The following MTMR7 variants were observed in gnomAD, a reference collection of about 807,000 sequenced individuals.
The protein encoded by MTMR7 is phosphatidylinositol-3-phosphate phosphatase MTMR7.
In MTMR7, 76 loss-of-function variants were observed where a neutral mutation model predicts 81.2. The ratio of observed to expected loss-of-function variants is 0.94; its 90% CI spans 0.78 to 1.13. MTMR7 has a LOEUF of 1.13. Among genes scored for constraint, MTMR7 ranks in the 50% most tolerant of loss-of-function variants. The probability of loss-of-function intolerance (pLI) is 0.00; values close to 1 mark genes in which losing one functional copy is unlikely to be tolerated. For missense variants in MTMR7, 1,044 were observed against 820.0 expected, an observed-to-expected ratio of 1.27 and a Z score of -3.34; for synonymous variants, 372 against 289.8, an observed-to-expected ratio of 1.28 and a Z score of -2.88.
At chr8:17,317,121 T>A (rs1204166692) in intron 7 of MTMR7, among the ~76,000 whole-genome samples, 11 of 152,232 alleles carry the variant, frequency 7.2e-5, no homozygotes, top group Admixed American at 7.2e-4. Context: ...AGAATTTGCT[T>A]GCTTATATGT....
chr8:17,327,617 A>G (rs1423755059), intron 7 of MTMR7, among the ~76,000 whole-genome samples: 1 of 141,896 alleles, frequency 7.0e-6, no homozygotes, highest in African/African-American at 3.0e-5. Context: ...ATTTTGGATT[A>G]GTCCCTAAGA....
At chr8:17,369,066 G>C (rs1010544171) in intron 3 of MTMR7, among the ~76,000 whole-genome samples, 6 of 152,170 alleles carry the variant, frequency 3.9e-5, no homozygotes, top group African/African-American at 1.4e-4. Context: ...CCCTTTCCCA[G>C]TTCGCTGGGC....
In MTMR7 at chr8:17,361,112, C is replaced by T; in HGVS notation, c.468+5G>A. On this transcript the variant is annotated splice_donor_5th_base_variant and intron_variant, in intron 4 of 13. Coordinates refer to ENST00000180173, the MANE Select transcript of MTMR7 (RefSeq NM_004686.5). Reference sequence around the variant, plus strand: ...GGCTTCAGTGTTTGGGTTTCACGCACTCACTCTGTAGTCTCTATTCACATC... The same window carrying T: ...GGCTTCAGTGTTTGGGTTTCACGCATTCACTCTGTAGTCTCTATTCACATC... The T allele has an allele frequency of 1.9e-6, 3 of 1,614,102 alleles. No individual in the cohort carries two copies. The highest frequency in any genetic ancestry group is 2.5e-6 in the Non-Finnish European group (3 of 1,179,986).
chr8:17,345,425 A>G (rs1488162498), intron 5 of MTMR7, among the ~76,000 whole-genome samples: 1 of 152,202 alleles, frequency 6.6e-6, no homozygotes, highest in Non-Finnish European at 1.5e-5. Context: ...TGCCTCTCAC[A>G]GCCCCTGGCT....
intron 5 of MTMR7, among the ~76,000 whole-genome samples, chr8:17,344,628 C>T (rs1291665229): frequency 1.3e-5 from 2 of 152,040 alleles, no homozygotes; most frequent in Admixed American, 1.3e-4. Context: ...AAAGATGCAG[C>T]AGAAAGACCT....
At chr8:17,371,806 G>GAATGATTAA (rs1326994298) in intron 2 of MTMR7, among the ~76,000 whole-genome samples, 1 of 150,664 alleles carries the variant, frequency 6.6e-6, no homozygotes, top group East Asian at 1.9e-4. Flanking sequence ...ACATCATACG[G>GAATGATTAA]AATGATTAAA....
rs1359122778 is a variant in MTMR7, at chr8:17,305,802, A to T, written c.1307T>A (p.Phe436Tyr). 5 of 1,613,628 alleles carry T rather than the reference A, an allele frequency of 3.1e-6. No individual in the cohort carries two copies. Among genetic ancestry groups the T allele is most frequent in the Non-Finnish European group, 4.2e-6 (5 of 1,179,666 alleles). The change falls in exon 11 of 14, where the codon TTT (phenylalanine) becomes TAT (tyrosine). Residue 436 changes from phenylalanine (F) to tyrosine (Y), a missense_variant. Phe to Tyr is a conservative substitution (Grantham distance 22). Coordinates refer to ENST00000180173, the MANE Select transcript of MTMR7 (RefSeq NM_004686.5). ...TTGGCTGTTACATAGGAAGTTTCCAAACTGGCAGGAATAAATGTGATGTTG... is the reference window on the plus strand; with the variant it reads ...TTGGCTGTTACATAGGAAGTTTCCATACTGGCAGGAATAAATGTGATGTTG... The part of the protein sequence containing the change: ...HIQHHIYSCQ[F>Y]GNFLCNSQKE...
intron 5 of MTMR7, among the ~76,000 whole-genome samples, chr8:17,343,952 T>C (rs758639506): frequency 3.3e-5 from 5 of 152,214 alleles, no homozygotes; most frequent in Admixed American, 6.5e-5. Flanking sequence ...TTAAAAACTC[T>C]TCAGTTGTAA....
At chr8:17,366,872 C>T (rs1452223883) in intron 3 of MTMR7, among the ~76,000 whole-genome samples, 4 of 77,100 alleles carry the variant, frequency 5.2e-5, no homozygotes, top group Non-Finnish European at 6.9e-5. Context: ...GATGACAGAG[C>T]GAGACTCCAT....
chr8:17,332,077 C>G (rs551428964), intron 6 of MTMR7, among the ~76,000 whole-genome samples: 195 of 152,276 alleles, frequency 1.3e-3, no homozygotes, highest in African/African-American at 4.3e-3. Context: ...GCATCGGTTT[C>G]TAGAATGTGT....
intron 1 of MTMR7, among the ~76,000 whole-genome samples, chr8:17,396,044 G>A (rs1243098478): frequency 1.3e-5 from 2 of 151,808 alleles, no homozygotes; most frequent in African/African-American, 2.4e-5. Context: ...TTATGTACAT[G>A]ATATAGAATA....
chr8:17,393,829 T>G (rs899418852), intron 1 of MTMR7, among the ~76,000 whole-genome samples: 6 of 152,112 alleles, frequency 3.9e-5, no homozygotes, highest in Admixed American at 6.5e-5. Flanking sequence ...CCTGCACATT[T>G]TGCACATGTA....
At position 17,408,166 on chromosome 8, in the gene MTMR7, G is replaced by A. The variant is rs1447139050; in HGVS notation, c.24+5103C>T. Reference sequence around the variant, plus strand: ...AGCACTTTGGGAGGCCGAGGCGGGCGGACCACGAGGTCAGGAGATCGAGAC... The same window carrying A: ...AGCACTTTGGGAGGCCGAGGCGGGCAGACCACGAGGTCAGGAGATCGAGAC... On this transcript the variant is annotated intron_variant, in intron 1 of 13. Transcript: ENST00000180173. Among the ~76,000 whole-genome samples, 6 of 121,270 alleles carry A rather than the reference G, an allele frequency of 4.9e-5. 1 individual carries two copies. The highest frequency in any genetic ancestry group is 1.5e-4 in the African/African-American group (6 of 40,010). 79.6% of individuals were successfully genotyped at this position (121,270 alleles called of 152,430 possible). A position where few individuals can be genotyped will look rare whatever the true frequency, so the allele number is the denominator to read the frequency against.
At chr8:17,379,135 A>C in intron 1 of MTMR7, among the ~76,000 whole-genome samples, 1 of 152,176 alleles carries the variant, frequency 6.6e-6, no homozygotes, top group East Asian at 1.9e-4. Context: ...AATGCTGCTG[A>C]GATGGAGTAA....
At chr8:17,309,999 A>G (rs1052498518) in intron 9 of MTMR7, among the ~76,000 whole-genome samples, 18 of 152,188 alleles carry the variant, frequency 1.2e-4, no homozygotes, top group Middle Eastern at 3.4e-3. Flanking sequence ...ATATTGTTTT[A>G]TATTTTAAAA....
intron 6 of MTMR7, among the ~76,000 whole-genome samples, chr8:17,333,704 A>G (rs1250141427): frequency 6.6e-6 from 1 of 152,076 alleles, no homozygotes; most frequent in East Asian, 1.9e-4. Context: ...TGCAAAAATT[A>G]GCCAGACATG....
intron 6 of MTMR7, among the ~76,000 whole-genome samples, chr8:17,336,894 C>G (rs1488028410): frequency 1.3e-5 from 2 of 152,134 alleles, no homozygotes; most frequent in Non-Finnish European, 2.9e-5. Flanking sequence ...GAAAAAACAC[C>G]ATGGTCAAAC....
chr8:17,328,952 C>G (rs1189775142), intron 7 of MTMR7, among the ~76,000 whole-genome samples: 2 of 152,204 alleles, frequency 1.3e-5, no homozygotes, highest in South Asian at 2.1e-4. Flanking sequence ...AGGACCTACA[C>G]AGGATGTGAA....
At chr8:17,362,526 A>G (rs1318490265) in intron 3 of MTMR7, among the ~76,000 whole-genome samples, 3 of 152,168 alleles carry the variant, frequency 2.0e-5, no homozygotes, top group South Asian at 2.1e-4. Context: ...CGGGAGGCAC[A>G]CTCCCTCCCT....
Sources: gnomAD v4.1 joint callset for allele counts (sites outside exome capture counted in the v4.1 genomes callset) on GRCh38, gnomAD v4.1.1 for gene constraint, MANE v1.5 for transcripts, NCBI Gene and HGNC (gene_info 2026-07-23, HGNC 2026-07-21) for gene names.